The following MGA variants were observed in gnomAD, a reference collection of about 807,000 sequenced individuals.
The protein encoded by MGA is MAX gene-associated protein.
A neutral mutation model predicts 261.1 loss-of-function variants in MGA; 40 were observed. That is an observed-to-expected ratio of 0.15 (90% CI 0.12 to 0.20). The LOEUF (loss-of-function observed/expected upper bound fraction) is 0.20. MGA is among the 10% of genes least tolerant of loss of function. MGA has a pLI of 1.00. For missense variants in MGA, 3,397 were observed against 3,630.5 expected (o/e 0.94, Z 1.65); for synonymous variants, 1,302 against 1,290.6 (o/e 1.01, Z -0.19).
intron 9 of MGA, among the ~76,000 whole-genome samples, chr15:41,716,164 A>C (rs1448757133): frequency 6.6e-6 from 1 of 151,860 alleles, no homozygotes. Flanking sequence ...AAAAGGAGGG[A>C]TGGCTGGGCA....
intron 11 of MGA, among the ~76,000 whole-genome samples, chr15:41,733,633 A>G (rs1298849102): frequency 6.6e-6 from 1 of 152,188 alleles, no homozygotes; most frequent in Non-Finnish European, 1.5e-5. Context: ...AAAAATTTAA[A>G]TGTGCATATC....
intron 15 of MGA, among the ~76,000 whole-genome samples, chr15:41,743,382 A>G (rs1402317741): frequency 1.3e-5 from 2 of 152,270 alleles, no homozygotes; most frequent in African/African-American, 4.8e-5. Flanking sequence ...GCGATAAATC[A>G]CTGAAAATAT....
At chr15:41,695,031 G>A (rs1183051557) in intron 2 of MGA, among the ~76,000 whole-genome samples, 1 of 152,112 alleles carries the variant, frequency 6.6e-6, no homozygotes, top group Admixed American at 6.6e-5. Flanking sequence ...ATATATAGTG[G>A]TGTGTATAGT....
intron 5 of MGA, among the ~76,000 whole-genome samples, chr15:41,701,495 CA>C (rs1436052427): frequency 1.4e-4 from 22 of 152,082 alleles, no homozygotes; most frequent in Non-Finnish European, 5.9e-5. Context: ...ATGGGGTGTT[CA>C]AAGGCCAGTG....
rs1206373315 is a variant in MGA, at chr15:41,749,833, A to T, written c.6226A>T (p.Ser2076Cys). Residue 2076 changes from serine (S) to cysteine (C), a missense_variant, in exon 17 of 24, where the codon AGT becomes TGT. Coordinates refer to ENST00000219905, the MANE Select transcript of MGA (RefSeq NM_001164273.2). ...AGAATATGGGGCTAGGAATCGTAAG[A>T]GTTCCAAAGAAAAAGTGGCTGTTCT... The T allele has an allele frequency of 1.2e-6, 2 of 1,613,964 alleles. No individual in the cohort carries two copies. Among genetic ancestry groups the T allele is most frequent in the Non-Finnish European group, 8.5e-7 (1 of 1,179,886 alleles).
chr15:41,664,434 C>T (rs1477097925), intron 1 of MGA, among the ~76,000 whole-genome samples: 1 of 152,204 alleles, frequency 6.6e-6, no homozygotes. Flanking sequence ...TAAAACTTCT[C>T]TGTCTTGGTT....
In MGA at chr15:41,762,461, GTTTTTTTTTTTTTTTTT is replaced by G. The variant is rs34069193; in HGVS notation, c.7744+113_7744+129del. 63 of 138,436 alleles carry G rather than the reference GTTTTTTTTTTTTTTTTT, an allele frequency of 4.6e-4. 1 individual carries two copies. Among genetic ancestry groups the G allele is most frequent in the East Asian group, 2.2e-3 (6 of 2,752 alleles). 8.6% of individuals were successfully genotyped at this position (138,436 alleles called of 1,614,324 possible). On this transcript the variant is annotated intron_variant, in intron 22 of 23. Coordinates refer to ENST00000219905, the MANE Select transcript of MGA (RefSeq NM_001164273.2). Reference sequence around the variant, plus strand: ...TTGTCCACATTTTTAGTTTTGTGTGGTTTTTTTTTTTTTTTTTTTTTTTTTTTTTTGGAGACAGCTCT... The same window carrying G: ...TTGTCCACATTTTTAGTTTTGTGTGGTTTTTTTTTTTTTGGAGACAGCTCT...
At position 41,637,904 on chromosome 15, in the gene MGA, C is replaced by T. The variant is rs958053074; in HGVS notation, c.-68+16606C>T. On this transcript the variant is annotated intron_variant, in intron 1 of 8. Transcript: ENST00000566718. ...GGATTACAGGTGCCTGCCACCCCATCTGGCTAATTTTTGTATTTTTAGTAG... is the reference window on the plus strand; with the variant it reads ...GGATTACAGGTGCCTGCCACCCCATTTGGCTAATTTTTGTATTTTTAGTAG... 3.3e-5 allele frequency among the ~76,000 whole-genome samples: 5 copies of T among 151,782 alleles called. No individual in the cohort carries two copies. In the East Asian group the frequency reaches 7.8e-4, roughly 24 times the overall value.
Position 41,769,723 on chromosome 15 carries a change from C to G in MGA, c.*2443C>G, listed in dbSNP as rs2063956662. On this transcript the variant is annotated 3_prime_UTR_variant, in exon 24 of 24. Coordinates refer to ENST00000219905, the MANE Select transcript of MGA (RefSeq NM_001164273.2). ...TATAAGAAGCATGATCTCAATAGAC[C>G]AATAATTCACCTTTTTATACATCTG... 6.6e-6 allele frequency: 1 copy of G among 152,466 alleles called. No individual in the cohort carries two copies. Among genetic ancestry groups the G allele is most frequent in the African/African-American group, 2.4e-5 (1 of 41,372 alleles). 9.4% of individuals were successfully genotyped at this position (152,466 alleles called of 1,614,324 possible).
At chr15:41,656,320 CTT>C (rs1158891080), upstream of MGA, among the ~76,000 whole-genome samples, 48 of 121,432 alleles carry the variant, frequency 4.0e-4, no homozygotes, top group Non-Finnish European at 5.3e-4. Context: ...AATGGTGTTT[CTT>C]TCTCTCTCTC....
Position 41,707,775 on chromosome 15 carries a change from A to G in MGA, c.2236A>G (p.Lys746Glu), listed in dbSNP as rs755671810. 1 of 1,613,362 alleles carries G rather than the reference A, an allele frequency of 6.2e-7. No homozygotes were observed. Among genetic ancestry groups the G allele is most frequent in the Non-Finnish European group, 8.5e-7 (1 of 1,179,636 alleles). Residue 746 changes from lysine (K) to glutamate (E), a missense_variant, in exon 6 of 24, where the codon AAA becomes GAA. Physicochemically the swap from Lys to Glu is moderately conservative, Grantham distance 56. This residue lies in a region of MGA where 19 missense variants were observed against 44.7 expected (regional missense o/e 0.43). Coordinates refer to ENST00000219905, the MANE Select transcript of MGA (RefSeq NM_001164273.2). ...GGATCCAACAATGAGCATTGATCTTAAATACTTGGGAGTACAGTTACCTTT... is the reference window on the plus strand; with the variant it reads ...GGATCCAACAATGAGCATTGATCTTGAATACTTGGGAGTACAGTTACCTTT...
intron 2 of MGA, among the ~76,000 whole-genome samples, chr15:41,671,106 C>T (rs2058034889): frequency 6.6e-6 from 1 of 152,100 alleles, no homozygotes; most frequent in African/African-American, 2.4e-5. Flanking sequence ...GGTCCTGGCA[C>T]CAGTCCTCCT....
At chr15:41,713,079 T>C (rs1298458772) in intron 8 of MGA, 72 bp from the exon 9 acceptor site, 2 of 1,560,128 alleles carry the variant, frequency 1.3e-6, no homozygotes, top group Non-Finnish European at 1.7e-6. Flanking sequence ...TGCAGTCCAG[T>C]ATATGACCAT....
chr15:41,713,456 A>C lies in MGA; in HGVS notation c.3390A>C (p.Glu1130Asp). 1 of 1,555,500 alleles carries C rather than the reference A, an allele frequency of 6.4e-7. No homozygotes were observed. The highest frequency in any genetic ancestry group is 8.7e-7 in the Non-Finnish European group (1 of 1,148,964). ...AAGAAGGAATCAGGGAGGAGGAGGAACAATTGAAAGAGAAAAAGAAGAGAA... is the reference window on the plus strand; with the variant it reads ...AAGAAGGAATCAGGGAGGAGGAGGACCAATTGAAAGAGAAAAAGAAGAGAA... The change falls in exon 9 of 24, where the codon GAA (glutamate) becomes GAC (aspartate). Residue 1130 changes from glutamate (E) to aspartate (D), a missense_variant. Physicochemically the swap from Glu to Asp is conservative, Grantham distance 45. Around this residue, in one of 9 missense-constraint regions of MGA, gnomAD observed 519 missense variants for 554.1 expected, o/e 0.94. Transcript: ENST00000219905.
intron 19 of MGA, among the ~76,000 whole-genome samples, chr15:41,759,595 G>T (rs1041621073): frequency 4.0e-5 from 6 of 151,528 alleles, no homozygotes; most frequent in African/African-American, 7.3e-5. Flanking sequence ...GAGCCACTGT[G>T]CCTGGCCAGC....
At chr15:41,753,508 C>T (rs1201812270) in intron 17 of MGA, among the ~76,000 whole-genome samples, 1 of 151,884 alleles carries the variant, frequency 6.6e-6, no homozygotes, top group African/African-American at 2.4e-5. Context: ...TAGCAAGTTT[C>T]TGTGACAGGT....
At chr15:41,758,571 T>C (rs1441459235) in intron 19 of MGA, among the ~76,000 whole-genome samples, 1 of 152,174 alleles carries the variant, frequency 6.6e-6, no homozygotes, top group Non-Finnish European at 1.5e-5. Flanking sequence ...TCTGAAGCAT[T>C]TTTCAGATAT....
At position 41,749,443 on chromosome 15, in the gene MGA, T is replaced by C; in HGVS notation, c.5836T>C (p.Leu1946=). The C allele has an allele frequency of 3.1e-6, 5 of 1,614,050 alleles. No homozygotes were observed. The highest frequency in any genetic ancestry group is 3.4e-6 in the Non-Finnish European group (4 of 1,179,896). Residue 1946 remains leucine, a synonymous_variant, in exon 17 of 24, where the codon TTG becomes CTG. Coordinates refer to ENST00000219905, the MANE Select transcript of MGA (RefSeq NM_001164273.2). Reference sequence around the variant, plus strand: ...TCCTCTCCAGTCTGGTAGTTTTGCCTTGTTACAGCTCCCAGGACAAAAGCC... The same window carrying C: ...TCCTCTCCAGTCTGGTAGTTTTGCCCTGTTACAGCTCCCAGGACAAAAGCC...
intron 1 of MGA, among the ~76,000 whole-genome samples, chr15:41,633,504 G>T (rs1431125547): frequency 1.3e-5 from 2 of 151,852 alleles, no homozygotes; most frequent in Non-Finnish European, 2.9e-5. Context: ...ATGTAACTGT[G>T]ATGTTACAGA....
Sources: gnomAD v4.1 joint callset for allele counts (sites outside exome capture counted in the v4.1 genomes callset) on GRCh38, gnomAD v4.1.1 for gene constraint, gnomAD v4.1.1 regional missense constraint, MANE v1.5 for transcripts, NCBI Gene and HGNC (gene_info 2026-07-23, HGNC 2026-07-21) for gene names.